The following ATP8A2 variants were observed in gnomAD, a reference collection of about 807,000 sequenced individuals.
ATP8A2 encodes ATPase phospholipid transporting 8A2.
ATP8A2 carries 100 observed loss-of-function variants against 165.6 expected under a neutral mutation model. The ratio of observed to expected loss-of-function variants is 0.60; its 90% CI spans 0.51 to 0.71. ATP8A2 has a LOEUF of 0.71. Among genes scored for constraint, ATP8A2 ranks in the 30% least tolerant of loss-of-function variants. The pLI is 0.00. For synonymous variants in ATP8A2, 543 were observed against 548.8 expected, an observed-to-expected ratio of 0.99 and a Z score of 0.15; for missense variants, 1,227 against 1,479.5, an observed-to-expected ratio of 0.83 and a Z score of 2.80.
intron 2 of ATP8A2, among the ~76,000 whole-genome samples, chr13:25,473,182 T>G (rs1158748615): frequency 2.6e-5 from 4 of 152,220 alleles, no homozygotes; most frequent in Non-Finnish European, 5.9e-5. Flanking sequence ...TGGGAGGGAC[T>G]GTGCTATGTA....
intron 15 of ATP8A2, among the ~76,000 whole-genome samples, chr13:25,560,891 CTT>C (rs770147927): frequency 5.0e-5 from 7 of 139,712 alleles, no homozygotes; most frequent in Admixed American, 7.2e-5. Context: ...ACATTTTTTC[CTT>C]TTTTTTTTTT....
chr13:25,982,364 C>T (rs1447970327), intron 35 of ATP8A2, among the ~76,000 whole-genome samples: 4 of 152,200 alleles, frequency 2.6e-5, no homozygotes, highest in African/African-American at 7.2e-5. Flanking sequence ...TTTCACATGA[C>T]GCAGAAGATT....
rs2032923391 is a variant in ATP8A2 at position 25,383,311 on chromosome 13, G to A, written c.76+11023G>A. 4.0e-5 allele frequency among the ~76,000 whole-genome samples: 6 copies of A among 151,864 alleles called. No individual in the cohort carries two copies. In the South Asian group the frequency reaches 8.3e-4, roughly 21 times the overall value. ...GTAGAGACGGCGTTTCACCATGTTGGCCAGGATGGTCTCAATCTCCTGACC... is the reference window on the plus strand; with the variant it reads ...GTAGAGACGGCGTTTCACCATGTTGACCAGGATGGTCTCAATCTCCTGACC... On this transcript the variant is annotated intron_variant, in intron 1 of 36. Coordinates refer to ENST00000381655, the MANE Select transcript of ATP8A2 (RefSeq NM_016529.6).
intron 1 of ATP8A2, among the ~76,000 whole-genome samples, chr13:25,417,699 G>A (rs1042459071): frequency 3.9e-5 from 6 of 152,214 alleles, no homozygotes; most frequent in Non-Finnish European, 7.3e-5. Flanking sequence ...TGGAGCCCAG[G>A]AATCTGCATT....
intron 33 of ATP8A2, among the ~76,000 whole-genome samples, chr13:25,941,159 C>T (rs1470149317): frequency 6.6e-6 from 1 of 152,148 alleles, no homozygotes; most frequent in Non-Finnish European, 1.5e-5. Context: ...GAGTACTGCT[C>T]CTGCTTCCCT....
intron 24 of ATP8A2, among the ~76,000 whole-genome samples, chr13:25,609,785 ATTT>A (rs532359123): frequency 7.5e-6 from 1 of 133,904 alleles, no homozygotes; most frequent in South Asian, 2.3e-4. Context: ...ACCAACACCT[ATTT>A]TTTTTTTTTT....
intron 35 of ATP8A2, among the ~76,000 whole-genome samples, chr13:25,987,928 C>G (rs1956304167): frequency 6.6e-6 from 1 of 152,168 alleles, no homozygotes; most frequent in Admixed American, 6.5e-5. Context: ...ATTTGCAGAT[C>G]CATTAGTTAC....
At chr13:25,468,908 G>T in intron 1 of ATP8A2, 69 bp from the exon 2 acceptor site, 2 of 1,577,200 alleles carry the variant, frequency 1.3e-6, no homozygotes, top group African/African-American at 1.4e-5. Flanking sequence ...CGCGGCCCGC[G>T]CTCGCAGCCT....
intron 24 of ATP8A2, among the ~76,000 whole-genome samples, chr13:25,630,044 ACAC>A (rs1469012204): frequency 6.6e-6 from 1 of 150,556 alleles, no homozygotes; most frequent in African/African-American, 2.5e-5. Flanking sequence ...ATGGACATGC[ACAC>A]CACTCTCATG....
intron 24 of ATP8A2, among the ~76,000 whole-genome samples, chr13:25,635,935 C>T (rs1446353480): frequency 6.6e-6 from 1 of 152,172 alleles, no homozygotes; most frequent in African/African-American, 2.4e-5. Context: ...TCTACAAAGA[C>T]AGCGCACCCC....
chr13:25,659,171 C>A (rs1358371069), intron 24 of ATP8A2, among the ~76,000 whole-genome samples: 1 of 152,164 alleles, frequency 6.6e-6, no homozygotes, highest in Non-Finnish European at 1.5e-5. Flanking sequence ...GGCAGTCTTG[C>A]AAACGGTCGT....
chr13:25,647,989 C>T (rs2041718764), intron 24 of ATP8A2, among the ~76,000 whole-genome samples: 1 of 152,022 alleles, frequency 6.6e-6, no homozygotes, highest in Admixed American at 6.6e-5. Flanking sequence ...GCACCCGGCC[C>T]ATTATTTCTT....
At chr13:25,764,572 A>C (rs1042238394) in intron 25 of ATP8A2, among the ~76,000 whole-genome samples, 1 of 152,174 alleles carries the variant, frequency 6.6e-6, no homozygotes, top group African/African-American at 2.4e-5. Flanking sequence ...GCTTGTTAGA[A>C]ATGCGCATTC....
intron 33 of ATP8A2, among the ~76,000 whole-genome samples, chr13:25,906,033 C>G (rs1953926728): frequency 6.6e-6 from 1 of 152,174 alleles, no homozygotes; most frequent in Non-Finnish European, 1.5e-5. Flanking sequence ...TAGCACCAGT[C>G]TATATTTGCC....
intron 24 of ATP8A2, among the ~76,000 whole-genome samples, chr13:25,649,166 T>C (rs559978961): frequency 6.6e-6 from 1 of 152,208 alleles, no homozygotes; most frequent in African/African-American, 2.4e-5. Context: ...CAGACCCTTA[T>C]TATGTAGTTT....
At chr13:25,771,517 A>G (rs2138302512) in intron 26 of ATP8A2, among the ~76,000 whole-genome samples, 1 of 152,368 alleles carries the variant, frequency 6.6e-6, no homozygotes, top group South Asian at 2.1e-4. Flanking sequence ...GGGAGATCCC[A>G]TGACCTGCTT....
chr13:25,795,320 A>G (rs924503292), intron 27 of ATP8A2, among the ~76,000 whole-genome samples: 3 of 152,250 alleles, frequency 2.0e-5, no homozygotes, highest in South Asian at 2.1e-4. Context: ...TATACATTAC[A>G]TTAACTTTTA....
chr13:25,816,268 T>C (rs904389613), intron 27 of ATP8A2, among the ~76,000 whole-genome samples: 2 of 152,240 alleles, frequency 1.3e-5, no homozygotes, highest in African/African-American at 2.4e-5. Flanking sequence ...TCTTAGGGAA[T>C]GTGTGCACAG....
intron 27 of ATP8A2, among the ~76,000 whole-genome samples, chr13:25,796,153 T>C (rs1950494595): frequency 6.6e-6 from 1 of 152,168 alleles, no homozygotes; most frequent in Admixed American, 6.5e-5. Context: ...TTTCTTCATG[T>C]TGGCCAGGCT....
Sources: gnomAD v4.1 joint callset for allele counts (sites outside exome capture counted in the v4.1 genomes callset) on GRCh38, gnomAD v4.1.1 for gene constraint, MANE v1.5 for transcripts, NCBI Gene and HGNC (gene_info 2026-07-23, HGNC 2026-07-21) for gene names.